PTPRS: variants seen among roughly 807,000 people sequenced by gnomAD.
PTPRS encodes the protein protein tyrosine phosphatase receptor type S.
PTPRS carries 63 observed loss-of-function variants against 215.3 expected under a neutral mutation model. That is an observed-to-expected ratio of 0.29 (90% CI 0.24 to 0.36). The LOEUF is 0.36. Ranked by LOEUF, PTPRS falls within the 10% of genes least tolerant of loss-of-function variation. PTPRS has a pLI of 1.00. For missense variants in PTPRS, 2,258 were observed against 2,825.8 expected (o/e 0.80, Z 4.56); for synonymous variants, 1,404 against 1,191.4 (o/e 1.18, Z -3.68).
rs747329678 is a variant in PTPRS at position 5,222,838 on chromosome 19, G to C, written c.2954C>G (p.Ala985Gly). The change falls in exon 18 of 38, where the codon GCA becomes GGA. Residue 985 changes from alanine to glycine, a missense_variant. Ala to Gly is a moderately conservative substitution (Grantham distance 60). Transcript: ENST00000262963. ...GTTCTCCGCGCCCGGCTCAGCCGCT[G>C]CCGGCAGCTCAGTCTCTCGGGCAGG... ...LGPARETELPAAAEPGAENAL... is the reference protein window; with the variant it reads ...LGPARETELPGAAEPGAENAL... The C allele has an allele frequency of 6.3e-7, 1 of 1,594,178 alleles. No homozygotes were observed. Among genetic ancestry groups the C allele is most frequent in the Non-Finnish European group, 8.5e-7 (1 of 1,176,566 alleles).
intron 1 of PTPRS, among the ~76,000 whole-genome samples, chr19:5,291,462 T>C (rs2048810348): frequency 6.6e-6 from 1 of 151,950 alleles, no homozygotes; most frequent in Admixed American, 6.5e-5. Context: ...CCATGCTGGC[T>C]TCATGGAACA....
Position 5,295,821 on chromosome 19 carries a change from G to C in PTPRS, c.-94-9587C>G, listed in dbSNP as rs921898648. Among the ~76,000 whole-genome samples the C allele has an allele frequency of 1.3e-5, 2 of 152,074 alleles. No individual in the cohort carries two copies. The highest frequency in any genetic ancestry group is 4.8e-5 in the African/African-American group (2 of 41,426). On this transcript the variant is annotated intron_variant, in intron 1 of 37. Transcript: ENST00000262963. This position sits in a 1 kb window ranked among gnomAD's most constrained non-coding sequence, Gnocchi z 4.6. ...AGTGGCACCATCATGGCTCACTCTA[G>C]CCTCAACCTCCTGGGCTCAACCTCC...
At position 5,208,035 on chromosome 19, in the gene PTPRS, C is replaced by G; in HGVS notation, c.5665G>C (p.Val1889Leu). The change falls in exon 37 of 38, where the codon GTC (valine) becomes CTC (leucine). Residue 1889 changes from valine (V) to leucine (L), a missense_variant. Physicochemically the swap from Val to Leu is conservative, Grantham distance 32 (BLOSUM62 1). Coordinates refer to ENST00000262963, the MANE Select transcript of PTPRS (RefSeq NM_002850.4). ...HCSAGVGRTG[V>L]FITLSIVLER... ...AGCACGATGCTAAGCGTGATGAAGA[C>G]GCCCGTCCTGCCCACGCCGGCACTG... 6.2e-7 allele frequency: 1 copy of G among 1,613,488 alleles called. No homozygotes were observed. The highest frequency in any genetic ancestry group is 8.5e-7 in the Non-Finnish European group (1 of 1,179,740).
chr19:5,207,499 G>A lies in PTPRS; in HGVS notation c.5778+423C>T, dbSNP rs538499349. Among the ~76,000 whole-genome samples the A allele has an allele frequency of 4.1e-4, 63 of 152,256 alleles. 1 individual carries two copies. The highest frequency in any genetic ancestry group is 6.5e-4 in the Non-Finnish European group (44 of 68,004). On this transcript the variant is annotated intron_variant, in intron 37 of 37. Coordinates refer to ENST00000262963, the MANE Select transcript of PTPRS (RefSeq NM_002850.4). ...TGGGATTACAGGTGTGAGCTGCCAC[G>A]CCGGGTCCCCTCTACTCATCTTTTA...
intron 1 of PTPRS, among the ~76,000 whole-genome samples, chr19:5,296,981 C>A (rs991758248): frequency 6.6e-6 from 1 of 152,132 alleles, no homozygotes; most frequent in Non-Finnish European, 1.5e-5. Context: ...ATTTTCTAAA[C>A]GGCTCATTTG....
chr19:5,335,440 C>T (rs150658556), intron 1 of PTPRS, among the ~76,000 whole-genome samples: 2 of 152,278 alleles, frequency 1.3e-5, no homozygotes, highest in Non-Finnish European at 2.9e-5. Flanking sequence ...GAGGGGTAAC[C>T]TCATTCTGTA....
intron 4 of PTPRS, among the ~76,000 whole-genome samples, chr19:5,272,903 G>A (rs1251007551): frequency 2.6e-5 from 4 of 152,138 alleles, no homozygotes; most frequent in Non-Finnish European, 4.4e-5. Flanking sequence ...CTTGGCTCCA[G>A]GTAGGAGTCT....
chr19:5,233,632 G>C (rs2145721949), intron 13 of PTPRS, among the ~76,000 whole-genome samples: 1 of 151,610 alleles, frequency 6.6e-6, no homozygotes, highest in East Asian at 1.9e-4. Flanking sequence ...TTGTGCCAAG[G>C]GCTTCATAGA....
intron 30 of PTPRS, 45 bp downstream of exon 30, chr19:5,214,316 A>G: frequency 6.2e-7 from 1 of 1,613,254 alleles, no homozygotes; most frequent in Non-Finnish European, 8.5e-7. Flanking sequence ...CTCCCTTCCA[A>G]CACATTCCTC....
chr19:5,213,424 C>T (rs1599378197), intron 30 of PTPRS, among the ~76,000 whole-genome samples: 1 of 135,838 alleles, frequency 7.4e-6, no homozygotes, highest in East Asian at 2.4e-4. Context: ...GAAATGCTGT[C>T]CCCCCAAATC....
In PTPRS at chr19:5,231,566, C is replaced by T. The variant is rs1339743173; in HGVS notation, c.1899G>A (p.Thr633=). Residue 633 remains threonine (T), a synonymous_variant, in exon 14 of 38, where the codon ACG becomes ACA. Coordinates refer to ENST00000262963, the MANE Select transcript of PTPRS (RefSeq NM_002850.4). The stretch of plus-strand genomic sequence containing the variant: ...GCGGGCGCCAACTTACCAAAATGGC[C>T]GTGGAGCGCACGCTGACACATTTAA... ...QDVKCVSVRS[T]AILVSWRPPP... The T allele has an allele frequency of 6.9e-6, 11 of 1,600,470 alleles. No individual in the cohort carries two copies. The highest frequency in any genetic ancestry group is 9.3e-6 in the Non-Finnish European group (11 of 1,178,190).
At chr19:5,213,429 C>A (rs967695918) in intron 30 of PTPRS, among the ~76,000 whole-genome samples, 1 of 145,638 alleles carries the variant, frequency 6.9e-6, no homozygotes, top group East Asian at 2.1e-4. Flanking sequence ...GCTGTCCCCC[C>A]AAATCTCCCC....
At chr19:5,291,196 C>G (rs2048787892) in intron 1 of PTPRS, among the ~76,000 whole-genome samples, 1 of 152,140 alleles carries the variant, frequency 6.6e-6, no homozygotes, top group Non-Finnish European at 1.5e-5. Flanking sequence ...GTGGGGCAGA[C>G]AGGGAACCAG....
At chr19:5,214,295 G>A in intron 30 of PTPRS, 66 bp downstream of exon 30, 3 of 1,607,462 alleles carry the variant, frequency 1.9e-6, no homozygotes, top group South Asian at 2.2e-5. Flanking sequence ...GTAGAAGCTG[G>A]GGCCCTCTGC....
chr19:5,205,780 CCT>C lies in PTPRS; in HGVS notation c.*992_*993del, dbSNP rs1471731761. Among the ~76,000 whole-genome samples the C allele has an allele frequency of 2.0e-5, 3 of 152,140 alleles. No individual in the cohort carries two copies. The highest frequency in any genetic ancestry group is 1.3e-4 in the Admixed American group (2 of 15,278). ...GCCACTGTCCCCGAAGAAGTAGGATCCTCTCTGTCTCCTTGGGGGCGGGAGAC... is the reference window on the plus strand; with the variant it reads ...GCCACTGTCCCCGAAGAAGTAGGATCCTCTGTCTCCTTGGGGGCGGGAGAC... On this transcript the variant is annotated 3_prime_UTR_variant, in exon 38 of 38. Transcript: ENST00000262963.
chr19:5,220,035 G>T lies in PTPRS; in HGVS notation c.3669C>A (p.Gly1223=). The T allele has an allele frequency of 1.9e-6, 3 of 1,614,064 alleles. No homozygotes were observed. The highest frequency in any genetic ancestry group is 1.3e-5 in the African/African-American group (1 of 75,064). The part of the protein sequence containing the change: ...FSVLPPTFHP[G]DQKQYGGFDN... ...CGAAGCCGCCATACTGCTTCTGGTC[G>T]CCGGGATGGAACGTGGGTGGCAGCA... The change falls in exon 22 of 38, where the codon GGC becomes GGA. Residue 1223 remains glycine (G), a synonymous_variant. Transcript: ENST00000262963.
chr19:5,268,018 A>T lies in PTPRS; in HGVS notation c.380-2822T>A, dbSNP rs553771155. ...CCCCGTCTCTACTAAACTACAAAGA[A>T]GATTAGCCGGGCTTGGTGACGGGCA... On this transcript the variant is annotated intron_variant, in intron 4 of 37. Coordinates refer to ENST00000262963, the MANE Select transcript of PTPRS (RefSeq NM_002850.4). Among the ~76,000 whole-genome samples the T allele has an allele frequency of 2.6e-5, 4 of 152,198 alleles. No homozygotes were observed. The East Asian group carries it at 5.8e-4, about 22-fold the overall frequency.
intron 2 of PTPRS, among the ~76,000 whole-genome samples, chr19:5,276,845 T>C (rs114753145): frequency 0.013 from 1,980 of 152,272 alleles, 32 homozygotes; most frequent in African/African-American, 0.04. Context: ...CAGGTGAGTA[T>C]GCCTATTTTA....
chr19:5,306,289 C>T (rs887747831), intron 1 of PTPRS, among the ~76,000 whole-genome samples: 4 of 151,838 alleles, frequency 2.6e-5, no homozygotes, highest in Non-Finnish European at 4.4e-5. Flanking sequence ...GGATCACAGG[C>T]GTGCGCCACC....
Sources: gnomAD v4.1 joint callset for allele counts (sites outside exome capture counted in the v4.1 genomes callset) on GRCh38, gnomAD v4.1.1 for gene constraint, Gnocchi (gnomAD v3.1) non-coding constraint, MANE v1.5 for transcripts, NCBI Gene and HGNC (gene_info 2026-07-23, HGNC 2026-07-21) for gene names.